Variants in MACROD2 observed in about 807,000 individuals in gnomAD.
MACROD2 encodes the protein ADP-ribose glycohydrolase MACROD2.
Under a neutral mutation model 70.4 loss-of-function variants are expected in MACROD2, and 36 were observed. That is an observed-to-expected ratio of 0.51 (90% CI 0.39 to 0.68). The LOEUF is 0.68. Among genes scored for constraint, MACROD2 ranks in the 30% least tolerant of loss-of-function variants. MACROD2 has a pLI of 0.00. For missense variants in MACROD2, 496 were observed against 538.4 expected (o/e 0.92, Z 0.78); for synonymous variants, 172 against 178.8 (o/e 0.96, Z 0.30).
At chr20:14,504,679 AT>A (rs2084950111) in intron 4 of MACROD2, among the ~76,000 whole-genome samples, 1 of 152,150 alleles carries the variant, frequency 6.6e-6, no homozygotes, top group Admixed American at 6.5e-5. Context: ...TAAGCTAGGA[AT>A]TTCTAGGCTT....
chr20:15,050,629 C>T (rs2123051220), intron 5 of MACROD2, among the ~76,000 whole-genome samples: 1 of 147,572 alleles, frequency 6.8e-6, no homozygotes, highest in Admixed American at 6.8e-5. Flanking sequence ...GCAAGCTCCG[C>T]CTCCTGGGTT....
intron 5 of MACROD2, among the ~76,000 whole-genome samples, chr20:14,761,952 A>C (rs1184804709): frequency 6.6e-6 from 1 of 152,122 alleles, no homozygotes; most frequent in Admixed American, 6.5e-5. Context: ...AATCATCACC[A>C]TGTTCTCCCA....
chr20:14,637,304 G>A (rs766743872), intron 4 of MACROD2, among the ~76,000 whole-genome samples: 4 of 152,140 alleles, frequency 2.6e-5, no homozygotes, highest in South Asian at 2.1e-4. Context: ...CTCTAATGAC[G>A]GATATTAGTT....
chr20:14,723,264 A>G (rs1026752469), intron 5 of MACROD2, among the ~76,000 whole-genome samples: 6 of 152,122 alleles, frequency 3.9e-5, no homozygotes, highest in African/African-American at 9.7e-5. Context: ...CATCAGGAGC[A>G]TGATTCAGAT....
chr20:15,378,141 A>C (rs1363953306), intron 6 of MACROD2, among the ~76,000 whole-genome samples: 4 of 132,138 alleles, frequency 3.0e-5, no homozygotes, highest in African/African-American at 1.4e-4. Context: ...AAGCTATAAG[A>C]AAAAAATAAA....
At chr20:15,810,582 A>C (rs1414778221) in intron 8 of MACROD2, among the ~76,000 whole-genome samples, 1 of 152,174 alleles carries the variant, frequency 6.6e-6, no homozygotes, top group Admixed American at 6.5e-5. Flanking sequence ...ATTGGAAAAA[A>C]CTACTTTAAA....
chr20:14,976,069 A>G (rs1045858479), intron 5 of MACROD2, among the ~76,000 whole-genome samples: 17 of 152,136 alleles, frequency 1.1e-4, no homozygotes, highest in African/African-American at 1.2e-4. Context: ...TGTCAAGAGC[A>G]TGGTTGTTCC....
chr20:15,317,421 G>C (rs1472894988), intron 6 of MACROD2, among the ~76,000 whole-genome samples: 2 of 151,906 alleles, frequency 1.3e-5, no homozygotes, highest in African/African-American at 2.4e-5. Flanking sequence ...AGAAACATTA[G>C]TATTAGTGTT....
chr20:15,684,592 A>G (rs6043441), intron 8 of MACROD2, among the ~76,000 whole-genome samples: 1,578 of 152,352 alleles, frequency 0.01, 32 homozygotes, highest in African/African-American at 0.035. Context: ...ATAAAAGACC[A>G]ACTCATAAGG....
chr20:14,054,815 G>A (rs1194685517), intron 2 of MACROD2, among the ~76,000 whole-genome samples: 1 of 152,162 alleles, frequency 6.6e-6, no homozygotes, highest in Non-Finnish European at 1.5e-5. Context: ...GGATTGTGAA[G>A]TACTCAGAGA....
intron 3 of MACROD2, among the ~76,000 whole-genome samples, chr20:14,221,898 G>A (rs1421611816): frequency 6.6e-6 from 1 of 152,188 alleles, no homozygotes; most frequent in Non-Finnish European, 1.5e-5. Context: ...CTAATCATAA[G>A]AGAAATGCAA....
chr20:14,326,095 G>T lies in MACROD2; in HGVS notation c.272-167384G>T, dbSNP rs770973933. 2 of 1,613,928 alleles carry T rather than the reference G, an allele frequency of 1.2e-6. No homozygotes were observed. Among genetic ancestry groups the T allele is most frequent in the South Asian group, 2.2e-5 (2 of 91,084 alleles). ...CATGCATACTTTATAGGGTGAATCA[G>T]GCTCCAGGGCTGTGACCAAGTACTC... On this transcript the variant is annotated intron_variant, in intron 3 of 17. Transcript: ENST00000684519. This position sits in a 1 kb window ranked among gnomAD's most constrained non-coding sequence, Gnocchi z 5.5.
chr20:14,144,176 T>C (rs1386843748), intron 3 of MACROD2, among the ~76,000 whole-genome samples: 1 of 152,170 alleles, frequency 6.6e-6, no homozygotes, highest in Non-Finnish European at 1.5e-5. Context: ...ATAATTGGAA[T>C]GCATATAAAG....
chr20:14,061,307 A>T (rs2053687987), intron 2 of MACROD2, among the ~76,000 whole-genome samples: 1 of 152,194 alleles, frequency 6.6e-6, no homozygotes, highest in African/African-American at 2.4e-5. Context: ...AGTTCTTTTT[A>T]AAATTGCATG....
Position 14,048,459 on chromosome 20 carries a change from C to CT in MACROD2, c.164-37159dup, listed in dbSNP as rs141439388. Among the ~76,000 whole-genome samples, 573 of 152,108 alleles carry CT rather than the reference C, an allele frequency of 3.8e-3. 22 individuals are homozygous for CT. In the East Asian group the frequency reaches 0.084, roughly 22 times the overall value. ...AGATAAAACAAAAATGAGTTTCAAG[C>CT]TTTAAGACCAGAAGGATCAATTTCT... On this transcript the variant is annotated intron_variant, in intron 2 of 17. Coordinates refer to ENST00000684519, the MANE Select transcript of MACROD2 (RefSeq NM_001351661.2).
At chr20:14,109,063 C>A (rs1376929117) in intron 3 of MACROD2, among the ~76,000 whole-genome samples, 1 of 151,988 alleles carries the variant, frequency 6.6e-6, no homozygotes, top group Non-Finnish European at 1.5e-5. Context: ...TAATATCAAG[C>A]ATCTTCTCTG....
At chr20:16,013,328 TGTG>T (rs1339328647) in intron 15 of MACROD2, among the ~76,000 whole-genome samples, 2 of 152,172 alleles carry the variant, frequency 1.3e-5, no homozygotes, top group Admixed American at 1.3e-4. Flanking sequence ...CCCAATTCCA[TGTG>T]GTGTAAATGT....
At chr20:14,506,191 T>C (rs1368324700) in intron 4 of MACROD2, among the ~76,000 whole-genome samples, 4 of 152,182 alleles carry the variant, frequency 2.6e-5, no homozygotes, top group African/African-American at 9.7e-5. Flanking sequence ...ATGGTTGTGG[T>C]TGGGACCAAT....
intron 5 of MACROD2, among the ~76,000 whole-genome samples, chr20:15,128,084 A>G (rs2076079369): frequency 6.6e-6 from 1 of 152,054 alleles, no homozygotes; most frequent in African/African-American, 2.4e-5. Flanking sequence ...TACTCACCGT[A>G]TCTTTTAACT....
Sources: allele counts gnomAD v4.1 joint callset (sites outside exome capture counted in the v4.1 genomes callset), GRCh38; gene constraint gnomAD v4.1.1; non-coding constraint Gnocchi (gnomAD v3.1); transcripts MANE v1.5; gene names NCBI Gene and HGNC (gene_info 2026-07-23, HGNC 2026-07-21).